IK: variants seen among roughly 807,000 people sequenced by gnomAD.
IK encodes protein Red.
A neutral mutation model predicts 90.9 loss-of-function variants in IK; 47 were observed. The observed-to-expected ratio is 0.52, with a 90% CI of 0.41 to 0.66. IK has a LOEUF of 0.66. Ranked by LOEUF, IK falls within the 30% of genes least tolerant of loss-of-function variation. The pLI is 0.00. For synonymous variants in IK, 201 were observed against 227.5 expected (o/e 0.88, Z 1.05); for missense variants, 385 against 709.3 (o/e 0.54, Z 5.19).
At chr5:140,653,529 C>A (rs113907337) in intron 5 of IK, among the ~76,000 whole-genome samples, 3 of 151,202 alleles carry the variant, frequency 2.0e-5, no homozygotes, top group Non-Finnish European at 4.4e-5. Flanking sequence ...ATGATCCACC[C>A]GCCTCGGCCT....
chr5:140,651,090 C>G (rs1340966283), intron 2 of IK, among the ~76,000 whole-genome samples: 1 of 152,130 alleles, frequency 6.6e-6, no homozygotes, highest in African/African-American at 2.4e-5. Context: ...AGTCCCCTTC[C>G]CAAATTCTCA....
chr5:140,652,208 G>A, intron 4 of IK, 61 bp downstream of exon 4: 1 of 1,260,414 alleles, frequency 7.9e-7, no homozygotes, highest in South Asian at 1.2e-5. Flanking sequence ...GAAAGAAGTA[G>A]GGGCTAATTA....
chr5:140,653,308 A>T (rs1387404270), intron 5 of IK, among the ~76,000 whole-genome samples, 164 bp downstream of exon 5: 2 of 136,738 alleles, frequency 1.5e-5, no homozygotes, highest in Non-Finnish European at 3.1e-5. Context: ...TTTTTTTGAG[A>T]TGGAGTCTCG....
chr5:140,657,680 G>A lies in IK; in HGVS notation c.910+18G>A. On this transcript the variant is annotated intron_variant, in intron 10 of 19. Transcript: ENST00000417647. ...GGATAAAGGTACCTGGAGGGTTAGA[G>A]AGAGAAGCCTTACCCACAGAGGACG... The A allele has an allele frequency of 1.3e-6, 2 of 1,537,312 alleles. No homozygotes were observed. The highest frequency in any genetic ancestry group is 2.7e-5 in the African/African-American group (2 of 73,086).
intron 14 of IK, 120 bp from the exon 15 acceptor site, chr5:140,659,995 A>G: frequency 2.1e-6 from 2 of 968,446 alleles, no homozygotes; most frequent in South Asian, 2.9e-5. Flanking sequence ...GAGCACCCAT[A>G]ACAGCTCACA....
chr5:140,660,289 C>CTT, intron 15 of IK, 94 bp downstream of exon 15: 7 of 282,546 alleles, frequency 2.5e-5, no homozygotes, highest in South Asian at 1.0e-4. Flanking sequence ...CCCAGGGCTA[C>CTT]TTCTTTTTTT....
chr5:140,650,260 A>G (rs937909571), intron 2 of IK, among the ~76,000 whole-genome samples: 1 of 152,216 alleles, frequency 6.6e-6, no homozygotes, highest in African/African-American at 2.4e-5. Context: ...AGTCTTCAAT[A>G]AAGTCTTCCT....
chr5:140,659,864 TC>T, intron 14 of IK, 30 bp downstream of exon 14: 1 of 1,480,202 alleles, frequency 6.8e-7, no homozygotes, highest in Non-Finnish European at 9.3e-7. Flanking sequence ...GTTCCTGGGT[TC>T]CAGAGAACTG....
intron 1 of IK, 118 bp downstream of exon 1, chr5:140,648,042 G>GTGTA (rs753149634): frequency 2.0e-4 from 94 of 471,378 alleles, no homozygotes; most frequent in African/African-American, 6.7e-4. Context: ...GTGTGTGTGT[G>GTGTA]TGTATGTATG....
At position 140,660,788 on chromosome 5, in the gene IK, G is replaced by A. The variant is rs773682415; in HGVS notation, c.1386G>A (p.Glu462=). Reference sequence around the variant, plus strand: ...ATGACATGGCTGTGGATAGTGATGAGGAGGTGGATTATAGCAAAATGGACC... The same window carrying A: ...ATGACATGGCTGTGGATAGTGATGAAGAGGTGGATTATAGCAAAATGGACC... The part of the protein sequence containing the change: ...TMDDMAVDSD[E]EVDYSKMDQG... The change falls in exon 16 of 20, where the codon GAG becomes GAA. Residue 462 remains glutamate (E), a synonymous_variant. Coordinates refer to ENST00000417647, the MANE Select transcript of IK (RefSeq NM_006083.4). 7 of 1,613,746 alleles carry A rather than the reference G, an allele frequency of 4.3e-6. 1 individual carries two copies. The Admixed American group carries it at 8.3e-5, about 19-fold the overall frequency.
chr5:140,651,685 A>T (rs777941774), intron 2 of IK, 29 bp from the exon 3 acceptor site: 3 of 1,138,110 alleles, frequency 2.6e-6, no homozygotes, highest in Non-Finnish European at 4.0e-6. Flanking sequence ...TTGAGTCCTA[A>T]TATTTAAAAT....
At chr5:140,660,582 G>GC in intron 15 of IK, 176 bp from the exon 16 acceptor site, 1 of 578,890 alleles carries the variant, frequency 1.7e-6, no homozygotes, top group South Asian at 2.4e-5. Context: ...ACAGGAGTGA[G>GC]CCACTGCGCC....
chr5:140,660,292 C>CCTTTTTTTTTTT (rs1757781333), intron 15 of IK, 97 bp downstream of exon 15: 100 of 283,124 alleles, frequency 3.5e-4, no homozygotes, highest in Non-Finnish European at 5.6e-4. Context: ...AGGGCTACTT[C>CCTTTTTTTTTTT]TTTTTTTTTT....
intron 1 of IK, chr5:140,648,195 C>G: frequency 1.4e-6 from 1 of 704,358 alleles, no homozygotes; most frequent in South Asian, 1.5e-5. Context: ...GTCCTGTCCC[C>G]ATACTTAATC....
In IK at chr5:140,653,917, G is replaced by A. The variant is rs1757661714; in HGVS notation, c.405-21G>A. On this transcript the variant is annotated intron_variant, in intron 5 of 19. Transcript: ENST00000417647. ...CACGCCTGGACAGTACTGTTCTTAT[G>A]TGGCCTCTTTCATTATACAGGGACA... The A allele has an allele frequency of 4.1e-6, 6 of 1,473,178 alleles. No individual in the cohort carries two copies. The Admixed American group carries it at 6.8e-5, about 17-fold the overall frequency. 91.3% of individuals were successfully genotyped at this position (1,473,178 alleles called of 1,614,324 possible). A position where few individuals can be genotyped will look rare whatever the true frequency, so the allele number is the denominator to read the frequency against.
Position 140,648,055 on chromosome 5 carries a change from T to C in IK, c.16+131T>C, listed in dbSNP as rs969805512. On this transcript the variant is annotated intron_variant, in intron 1 of 19. Coordinates refer to ENST00000417647, the MANE Select transcript of IK (RefSeq NM_006083.4). ...GTGTGTGTGTGTGTGTATGTATGTA[T>C]GTGTGACGCTTGAGCCCGGAGAAGC... The C allele has an allele frequency of 9.4e-6, 9 of 961,268 alleles. No homozygotes were observed. The African/African-American group carries it at 1.3e-4, about 14-fold the overall frequency. 59.5% of individuals were successfully genotyped at this position (961,268 alleles called of 1,614,324 possible).
chr5:140,648,664 A>G (rs1757545755), intron 2 of IK, 127 bp downstream of exon 2: 1 of 917,594 alleles, frequency 1.1e-6, no homozygotes, highest in Non-Finnish European at 1.8e-6. Flanking sequence ...CTGGCCCTTT[A>G]TCTCTGTGAG....
chr5:140,651,979 T>G, intron 3 of IK, 109 bp from the exon 4 acceptor site: 1 of 917,624 alleles, frequency 1.1e-6, no homozygotes, highest in South Asian at 1.4e-5. Flanking sequence ...ATTGAAAGTG[T>G]TACTTTGATC....
intron 10 of IK, among the ~76,000 whole-genome samples, chr5:140,658,357 G>T (rs1055443991): frequency 6.7e-6 from 1 of 149,786 alleles, no homozygotes; most frequent in African/African-American, 2.5e-5. Flanking sequence ...TCGTTTTGTC[G>T]CCCAGGCTGG....
Sources: allele counts gnomAD v4.1 joint callset (sites outside exome capture counted in the v4.1 genomes callset), GRCh38; gene constraint gnomAD v4.1.1; transcripts MANE v1.5; gene names NCBI Gene and HGNC (gene_info 2026-07-23, HGNC 2026-07-21).